Variants in VPS13B observed in about 807,000 individuals in gnomAD.
VPS13B encodes intermembrane lipid transfer protein VPS13B.
VPS13B carries 285 observed loss-of-function variants against 426.4 expected under a neutral mutation model. The ratio of observed to expected loss-of-function variants is 0.67; its 90% CI spans 0.61 to 0.74. The LOEUF (loss-of-function observed/expected upper bound fraction) is 0.74, where lower values mean the gene tolerates loss of function less well. Ranked by LOEUF, VPS13B falls within the 30% of genes least tolerant of loss-of-function variation. The pLI is 0.00. For synonymous variants in VPS13B, 1,676 were observed against 1,676.4 expected (o/e 1.00, Z 0.01); for missense variants, 4,537 against 4,782.6 (o/e 0.95, Z 1.51).
intron 25 of VPS13B, among the ~76,000 whole-genome samples, chr8:99,492,916 A>G (rs917738748): frequency 2.9e-4 from 44 of 152,136 alleles, no homozygotes; most frequent in African/African-American, 1.0e-3. Context: ...AGGTACCTCA[A>G]TTGGAAATGC....
chr8:99,111,117 A>G lies in VPS13B; in HGVS notation c.600A>G (p.Arg200=). 6.2e-7 allele frequency: 1 copy of G among 1,604,334 alleles called. No homozygotes were observed. The change falls in exon 6 of 62, where the codon AGA becomes AGG. Residue 200 remains arginine (R), a synonymous_variant. Coordinates refer to ENST00000357162, the MANE Select transcript of VPS13B (RefSeq NM_152564.5). The part of the protein sequence containing the change: ...MDISATDLVL[R]KVINFSDCTV... Reference sequence around the variant, plus strand: ...TTTTAGCAACTGATTTGGTGCTGAGAAAGGTTATCAATTTTTCTGACTGTA... The same window carrying G: ...TTTTAGCAACTGATTTGGTGCTGAGGAAGGTTATCAATTTTTCTGACTGTA...
chr8:99,034,489 G>A (rs561627082), intron 2 of VPS13B, among the ~76,000 whole-genome samples: 1 of 150,672 alleles, frequency 6.6e-6, no homozygotes, highest in Non-Finnish European at 1.5e-5. Flanking sequence ...GCTAGTTACT[G>A]CCCTCTCTTT....
At chr8:99,579,041 A>T (rs949764761) in intron 33 of VPS13B, among the ~76,000 whole-genome samples, 6 of 152,140 alleles carry the variant, frequency 3.9e-5, no homozygotes, top group Admixed American at 6.5e-5. Flanking sequence ...CTTCTTAGAG[A>T]TCATATTACA....
intron 31 of VPS13B, among the ~76,000 whole-genome samples, chr8:99,570,377 C>T (rs1168221407): frequency 6.6e-6 from 1 of 151,904 alleles, no homozygotes; most frequent in East Asian, 1.9e-4. Context: ...TTAAACTTTG[C>T]ATTTTAAAAT....
intron 33 of VPS13B, among the ~76,000 whole-genome samples, chr8:99,614,434 C>A (rs866830499): frequency 6.6e-6 from 1 of 152,032 alleles, no homozygotes; most frequent in Admixed American, 6.6e-5. Context: ...TATGCCACCA[C>A]ACCCGGCTAA....
chr8:99,315,819 A>G (rs1215928371), intron 19 of VPS13B, among the ~76,000 whole-genome samples: 1 of 151,752 alleles, frequency 6.6e-6, no homozygotes, highest in Non-Finnish European at 1.5e-5. Flanking sequence ...TTGTATTGGA[A>G]TTTGTTGCTT....
At chr8:99,373,016 G>T (rs538690327) in intron 19 of VPS13B, among the ~76,000 whole-genome samples, 1 of 152,244 alleles carries the variant, frequency 6.6e-6, no homozygotes, top group Non-Finnish European at 1.5e-5. Flanking sequence ...CCTTTGCAGG[G>T]ATATGAATGA....
chr8:99,051,970 C>T (rs759451976), intron 3 of VPS13B, among the ~76,000 whole-genome samples: 1 of 152,154 alleles, frequency 6.6e-6, no homozygotes, highest in Non-Finnish European at 1.5e-5. Flanking sequence ...ATCATGTCAT[C>T]CACAAACAGG....
chr8:99,563,316 G>T (rs1366098907), intron 31 of VPS13B, among the ~76,000 whole-genome samples: 3 of 152,160 alleles, frequency 2.0e-5, no homozygotes. Flanking sequence ...CAAAGAAACA[G>T]ACTTGCTATT....
At chr8:99,057,622 CT>C (rs929904457) in intron 3 of VPS13B, among the ~76,000 whole-genome samples, 1 of 151,932 alleles carries the variant, frequency 6.6e-6, no homozygotes, top group African/African-American at 2.4e-5. Context: ...AGGGGTCAGT[CT>C]TTTTTTTCCT....
rs549810522 is a variant in VPS13B, at chr8:99,819,565, TAAG to T, written c.8779_8781del (p.Lys2927del). On this transcript the variant is annotated inframe_deletion, in exon 48 of 62. Coordinates refer to ENST00000357162, the MANE Select transcript of VPS13B (RefSeq NM_152564.5). Reference sequence around the variant, plus strand: ...CGCTTCAACCCATATGGCCCTATAATAAGAAGGATTCTGACAGGTAATATTCTT... The same window carrying T: ...CGCTTCAACCCATATGGCCCTATAATAAGGATTCTGACAGGTAATATTCTT... The T allele has an allele frequency of 9.9e-5, 159 of 1,613,724 alleles. 2 individuals are homozygous for T. The South Asian group carries it at 1.4e-3, about 14-fold the overall frequency.
chr8:99,360,143 TTTC>T (rs1332642000), intron 19 of VPS13B, among the ~76,000 whole-genome samples: 2 of 31,694 alleles, frequency 6.3e-5, no homozygotes, highest in Admixed American at 3.5e-4. Flanking sequence ...TCTTTCTTTC[TTTC>T]TTTCTTTCTT....
chr8:99,043,202 G>T (rs565132422), intron 3 of VPS13B, among the ~76,000 whole-genome samples: 1 of 151,722 alleles, frequency 6.6e-6, no homozygotes, highest in Non-Finnish European at 1.5e-5. Context: ...TTATTTACTG[G>T]ATGGTCATTT....
chr8:99,579,713 C>CTTTCTTTCT (rs1554854356), intron 33 of VPS13B, among the ~76,000 whole-genome samples: 9 of 143,964 alleles, frequency 6.3e-5, no homozygotes, highest in African/African-American at 2.3e-4. Flanking sequence ...TTCTTTCTTT[C>CTTTCTTTCT]TTTTTTTTTT....
Position 99,778,754 on chromosome 8 carries a change from C to T in VPS13B, c.7502C>T (p.Ser2501Phe). 1 of 1,613,966 alleles carries T rather than the reference C, an allele frequency of 6.2e-7. No homozygotes were observed. The highest frequency in any genetic ancestry group is 8.5e-7 in the Non-Finnish European group (1 of 1,179,912). Residue 2501 changes from serine to phenylalanine, a missense_variant, in exon 42 of 62, where the codon TCC (serine) becomes TTC (phenylalanine). Ser to Phe is a radical substitution (Grantham distance 155, BLOSUM62 -2). Coordinates refer to ENST00000357162, the MANE Select transcript of VPS13B (RefSeq NM_152564.5). ...MPSELEYMIV[S>F]FREPHMYLRQ... ...TCTGAACTAGAATACATGATTGTTTCCTTCAGAGAACCACACATGTATCTT... is the reference window on the plus strand; with the variant it reads ...TCTGAACTAGAATACATGATTGTTTTCTTCAGAGAACCACACATGTATCTT...
chr8:99,052,478 T>A (rs1161393875), intron 3 of VPS13B, among the ~76,000 whole-genome samples: 1 of 113,450 alleles, frequency 8.8e-6, no homozygotes, highest in Non-Finnish European at 1.9e-5. Flanking sequence ...TCAGGGATAT[T>A]GGTCTAAAAT....
intron 22 of VPS13B, among the ~76,000 whole-genome samples, chr8:99,437,835 T>C (rs1018090852): frequency 9.9e-5 from 15 of 152,194 alleles, no homozygotes; most frequent in Admixed American, 5.9e-4. Context: ...ACAAAGATTC[T>C]ATTAAAGCTA....
intron 19 of VPS13B, among the ~76,000 whole-genome samples, chr8:99,303,729 T>TAAAAAAA (rs1820494395): frequency 2.3e-4 from 1 of 4,418 alleles, no homozygotes; most frequent in Non-Finnish European, 6.0e-4. Flanking sequence ...AGACTCCGTC[T>TAAAAAAA]CAAAAAAAAA....
chr8:99,389,863 G>A (rs754734504), intron 20 of VPS13B: 1 of 152,088 alleles, frequency 6.6e-6, no homozygotes, highest in Non-Finnish European at 1.5e-5. Context: ...GGATTATGGA[G>A]TCACTAAATA....
Sources: gnomAD v4.1 joint callset for allele counts (sites outside exome capture counted in the v4.1 genomes callset) on GRCh38, gnomAD v4.1.1 for gene constraint, MANE v1.5 for transcripts, NCBI Gene and HGNC (gene_info 2026-07-23, HGNC 2026-07-21) for gene names.